Variants in SLC35F4 observed in about 807,000 individuals in gnomAD.
The protein encoded by SLC35F4 is chromosome 14 open reading frame 36.
A neutral mutation model predicts 44.2 loss-of-function variants in SLC35F4; 24 were observed. The ratio of observed to expected loss-of-function variants is 0.54; its 90% CI spans 0.39 to 0.76. The LOEUF (loss-of-function observed/expected upper bound fraction) is 0.76, where lower values mean the gene tolerates loss of function less well. Ranked by LOEUF, SLC35F4 falls within the 30% of genes least tolerant of loss-of-function variation. The pLI, the probability that SLC35F4 is intolerant of heterozygous loss-of-function variation, is 0.00. For missense variants in SLC35F4, 562 were observed against 586.1 expected, an observed-to-expected ratio of 0.96 and a Z score of 0.42; for synonymous variants, 238 against 223.6, an observed-to-expected ratio of 1.06 and a Z score of -0.57.
chr14:57,980,636 C>T (rs1486223824), intron 1 of SLC35F4, among the ~76,000 whole-genome samples: 1 of 125,990 alleles, frequency 7.9e-6, no homozygotes, highest in East Asian at 2.9e-4. Flanking sequence ...TGGGCGTACA[C>T]ATCAAGAAAA....
intron 1 of SLC35F4, among the ~76,000 whole-genome samples, chr14:57,711,746 G>C (rs1242165519): frequency 1.3e-5 from 2 of 152,256 alleles, no homozygotes; most frequent in African/African-American, 4.8e-5. Flanking sequence ...GATATGATGA[G>C]GCACAGACTT....
At chr14:57,703,407 G>T (rs1410902067) in intron 1 of SLC35F4, among the ~76,000 whole-genome samples, 1 of 152,166 alleles carries the variant, frequency 6.6e-6, no homozygotes, top group African/African-American at 2.4e-5. Context: ...GGCTAAGTTG[G>T]AATGTGCCAT....
At chr14:57,756,855 T>G (rs965418364) in intron 1 of SLC35F4, among the ~76,000 whole-genome samples, 2 of 151,822 alleles carry the variant, frequency 1.3e-5, no homozygotes, top group Non-Finnish European at 2.9e-5. Flanking sequence ...AGAGACAGGT[T>G]TTCACCATGT....
chr14:57,738,718 A>G (rs2078074801), intron 1 of SLC35F4, among the ~76,000 whole-genome samples: 1 of 146,504 alleles, frequency 6.8e-6, no homozygotes, highest in Non-Finnish European at 1.5e-5. Context: ...GCACCCATAG[A>G]AAGCCTTTAT....
chr14:57,730,991 G>T (rs944843537), intron 1 of SLC35F4, among the ~76,000 whole-genome samples: 5 of 152,150 alleles, frequency 3.3e-5, no homozygotes, highest in African/African-American at 1.2e-4. Context: ...ATTGCCAAGG[G>T]AGAATATTAT....
intron 1 of SLC35F4, among the ~76,000 whole-genome samples, chr14:57,610,289 A>T (rs1213095006): frequency 3.3e-5 from 5 of 152,212 alleles, no homozygotes; most frequent in Non-Finnish European, 7.3e-5. Flanking sequence ...GGGATTAATA[A>T]AAGTGAGAAT....
chr14:57,778,821 C>T (rs565975159), intron 1 of SLC35F4, among the ~76,000 whole-genome samples: 1 of 152,010 alleles, frequency 6.6e-6, no homozygotes, highest in East Asian at 1.9e-4. Context: ...AAGAAAATCA[C>T]TTGTAACCAT....
intron 1 of SLC35F4, among the ~76,000 whole-genome samples, chr14:57,644,227 C>G (rs894144496): frequency 1.6e-4 from 24 of 152,142 alleles, no homozygotes; most frequent in Non-Finnish European, 2.6e-4. Flanking sequence ...AGTTTACAGT[C>G]CCACCAACAG....
intron 1 of SLC35F4, among the ~76,000 whole-genome samples, chr14:57,662,607 G>A (rs559874742): frequency 6.6e-6 from 1 of 152,290 alleles, no homozygotes; most frequent in African/African-American, 2.4e-5. Flanking sequence ...GTGGATCAGA[G>A]ACAGCTGCCA....
Position 57,728,433 on chromosome 14 carries a change from C to T in SLC35F4, c.104-134309G>A, listed in dbSNP as rs201801036. The stretch of plus-strand genomic sequence containing the variant: ...CTTCCATTGATTTTTCTTCTTTTTT[C>T]TTTCTTTCTTTTTTTTTTTTTTTTT... On this transcript the variant is annotated intron_variant, in intron 1 of 7. Coordinates refer to ENST00000556826, the MANE Select transcript of SLC35F4 (RefSeq NM_001306087.2). 7.4e-4 allele frequency among the ~76,000 whole-genome samples: 77 copies of T among 104,304 alleles called. 1 individual carries two copies. Among genetic ancestry groups the T allele is most frequent in the East Asian group, 1.5e-3 (5 of 3,444 alleles). The allele number at this position is 104,304 out of a possible 152,430, so 68.4% of individuals were successfully genotyped here.
chr14:57,640,199 A>T lies in SLC35F4; in HGVS notation c.104-46075T>A, dbSNP rs1212130945. On this transcript the variant is annotated intron_variant, in intron 1 of 7. Transcript: ENST00000556826. Reference sequence around the variant, plus strand: ...AATGTGCTGTAAATGTTCCAGGAGGATCTGTGTGTTCCAACATCTTGACTT... The same window carrying T: ...AATGTGCTGTAAATGTTCCAGGAGGTTCTGTGTGTTCCAACATCTTGACTT... Among the ~76,000 whole-genome samples the T allele has an allele frequency of 4.0e-5, 6 of 151,882 alleles. No individual in the cohort carries two copies. The East Asian group carries it at 1.2e-3, about 29-fold the overall frequency.
intron 1 of SLC35F4, among the ~76,000 whole-genome samples, chr14:57,603,838 C>A (rs2070986010): frequency 6.6e-6 from 1 of 152,182 alleles, no homozygotes; most frequent in Non-Finnish European, 1.5e-5. Context: ...CTTTACAGGA[C>A]CTTTCCATGT....
At chr14:57,722,733 G>T (rs2033910602) in intron 1 of SLC35F4, among the ~76,000 whole-genome samples, 1 of 152,182 alleles carries the variant, frequency 6.6e-6, no homozygotes, top group African/African-American at 2.4e-5. Context: ...GGTGTTCCTA[G>T]AAGTGAAAAT....
chr14:57,964,078 A>G (rs1890388822), intron 1 of SLC35F4, among the ~76,000 whole-genome samples: 2 of 152,124 alleles, frequency 1.3e-5, no homozygotes, highest in Non-Finnish European at 2.9e-5. Context: ...TTGAGCATTT[A>G]TTGGGCAGGC....
intron 1 of SLC35F4, among the ~76,000 whole-genome samples, chr14:57,967,849 C>A (rs569483899): frequency 6.6e-6 from 1 of 152,158 alleles, no homozygotes; most frequent in Admixed American, 6.5e-5. Flanking sequence ...CAAATTCATG[C>A]AAAGAATTAA....
chr14:57,733,489 C>T (rs985102127), intron 1 of SLC35F4, among the ~76,000 whole-genome samples: 11 of 146,174 alleles, frequency 7.5e-5, no homozygotes, highest in Admixed American at 1.4e-4. Context: ...CCAGAAAAAG[C>T]TTTTTTTTTC....
At chr14:57,675,184 T>C (rs907995139) in intron 1 of SLC35F4, among the ~76,000 whole-genome samples, 2 of 152,066 alleles carry the variant, frequency 1.3e-5, no homozygotes, top group African/African-American at 2.4e-5. Context: ...TTCAGTTATA[T>C]AGATGTATAC....
intron 1 of SLC35F4, among the ~76,000 whole-genome samples, chr14:57,841,643 G>A (rs1885489680): frequency 6.6e-6 from 1 of 152,198 alleles, no homozygotes; most frequent in Admixed American, 6.5e-5. Flanking sequence ...CCTAAAGGTA[G>A]AGAACTGGTG....
chr14:57,591,228 A>G (rs1201314769), intron 2 of SLC35F4, among the ~76,000 whole-genome samples: 1 of 152,140 alleles, frequency 6.6e-6, no homozygotes. Flanking sequence ...CCAGAAACAC[A>G]CTCAACACAG....
Sources: gnomAD v4.1 joint callset for allele counts (sites outside exome capture counted in the v4.1 genomes callset) on GRCh38, gnomAD v4.1.1 for gene constraint, MANE v1.5 for transcripts, NCBI Gene and HGNC (gene_info 2026-07-23, HGNC 2026-07-21) for gene names.